The following NELL1 variants were observed in gnomAD, a reference collection of about 807,000 sequenced individuals.
NELL1 encodes protein kinase C-binding protein NELL1.
A neutral mutation model predicts 107.4 loss-of-function variants in NELL1; 76 were observed. That is an observed-to-expected ratio of 0.71 (90% CI 0.59 to 0.86). The LOEUF (loss-of-function observed/expected upper bound fraction) is 0.86, where lower values mean the gene tolerates loss of function less well. Ranked by LOEUF, NELL1 falls within the 40% of genes least tolerant of loss-of-function variation. NELL1 has a pLI of 0.00. For missense variants in NELL1, 1,024 were observed against 1,005.5 expected, an observed-to-expected ratio of 1.02 and a Z score of -0.25; for synonymous variants, 353 against 341.2, an observed-to-expected ratio of 1.03 and a Z score of -0.38.
At position 20,763,749 on chromosome 11, in the gene NELL1, C is replaced by T. The variant is rs546617691; in HGVS notation, c.185-19931C>T. Among the ~76,000 whole-genome samples, 4 of 152,382 alleles carry T rather than the reference C, an allele frequency of 2.6e-5. No homozygotes were observed. In the South Asian group the frequency reaches 8.3e-4, roughly 32 times the overall value. On this transcript the variant is annotated intron_variant, in intron 2 of 19. Transcript: ENST00000357134. ...TACAGTGACACCTGTAACTCAGGCCCTGGCAGGCCAGCTGAGAAGCACCAG... is the reference window on the plus strand; with the variant it reads ...TACAGTGACACCTGTAACTCAGGCCTTGGCAGGCCAGCTGAGAAGCACCAG...
At chr11:20,777,820 CA>C (rs1311519542) in intron 2 of NELL1, among the ~76,000 whole-genome samples, 1 of 131,920 alleles carries the variant, frequency 7.6e-6, no homozygotes, top group Non-Finnish European at 1.6e-5. Context: ...TGCCTTGGTG[CA>C]TTTTTTGTTT....
intron 11 of NELL1, among the ~76,000 whole-genome samples, chr11:20,958,491 G>A (rs11025836): frequency 0.19 from 28,436 of 152,072 alleles, 2,816 homozygotes; most frequent in East Asian, 0.34. Flanking sequence ...GTTGCCACAT[G>A]TAAAGGAATG....
At chr11:20,789,252 T>C (rs1391781786) in intron 3 of NELL1, among the ~76,000 whole-genome samples, 5 of 152,172 alleles carry the variant, frequency 3.3e-5, no homozygotes, top group Non-Finnish European at 2.9e-5. Context: ...GAGTCAGGCA[T>C]GGAGCAGCAA....
rs12789220 is a variant in NELL1 at position 21,566,197 on chromosome 11, C to T, written c.1981-4567C>T. On this transcript the variant is annotated intron_variant, in intron 17 of 19. Transcript: ENST00000357134. The stretch of plus-strand genomic sequence containing the variant: ...AGGTTGAATTTGTACCGTGGGCATC[C>T]GTTTTCCAACCCAAAGTTTATATTA... 1.6e-4 allele frequency among the ~76,000 whole-genome samples: 25 copies of T among 151,614 alleles called. 1 individual carries two copies. Among genetic ancestry groups the T allele is most frequent in the Admixed American group, 1.6e-3 (24 of 15,200 alleles).
chr11:21,000,461 G>A (rs12791900), intron 12 of NELL1, among the ~76,000 whole-genome samples: 6,226 of 152,212 alleles, frequency 0.041, 185 homozygotes, highest in Middle Eastern at 0.12. Flanking sequence ...ATCCTCTGAC[G>A]AAATCAGATT....
At chr11:20,848,814 T>C (rs1848746622) in intron 4 of NELL1, among the ~76,000 whole-genome samples, 1 of 152,206 alleles carries the variant, frequency 6.6e-6, no homozygotes, top group African/African-American at 2.4e-5. Flanking sequence ...TTAGAAGAGT[T>C]GGAAGGGCAG....
At chr11:21,232,152 A>AAAAAAT (rs1473443621) in intron 14 of NELL1, among the ~76,000 whole-genome samples, 1,676 of 61,004 alleles carry the variant, frequency 0.027, 31 homozygotes, top group Non-Finnish European at 0.038. Flanking sequence ...AAAAATAAAA[A>AAAAAAT]AAAAAAAATA....
intron 2 of NELL1, among the ~76,000 whole-genome samples, chr11:20,692,070 A>G (rs11511871): frequency 0.088 from 13,269 of 150,936 alleles, 749 homozygotes; most frequent in Non-Finnish European, 0.12. Context: ...GTTTATTTGC[A>G]TAGAGGTGTT....
chr11:20,896,727 A>C (rs1050638143), intron 5 of NELL1, among the ~76,000 whole-genome samples: 2 of 152,152 alleles, frequency 1.3e-5, no homozygotes, highest in Non-Finnish European at 2.9e-5. Flanking sequence ...CAGGATACAA[A>C]ATCAGTGTGC....
intron 2 of NELL1, among the ~76,000 whole-genome samples, chr11:20,763,865 T>C (rs1385048075): frequency 1.3e-5 from 2 of 152,156 alleles, no homozygotes; most frequent in Non-Finnish European, 2.9e-5. Flanking sequence ...GTGTGTGTAG[T>C]ATTAGCATAA....
intron 15 of NELL1, among the ~76,000 whole-genome samples, chr11:21,427,837 T>C (rs574905269): frequency 8.5e-5 from 13 of 152,330 alleles, no homozygotes; most frequent in African/African-American, 2.4e-4. Context: ...CCTAACCTAA[T>C]AGACTTTCAG....
At chr11:21,507,179 C>A (rs1226853870) in intron 15 of NELL1, among the ~76,000 whole-genome samples, 4 of 152,244 alleles carry the variant, frequency 2.6e-5, no homozygotes, top group Non-Finnish European at 5.9e-5. Flanking sequence ...ATGCCTGAGA[C>A]ATCCTGAACA....
chr11:20,723,456 G>A (rs1422826568), intron 2 of NELL1, among the ~76,000 whole-genome samples: 1 of 152,150 alleles, frequency 6.6e-6, no homozygotes. Flanking sequence ...AGGGCCCTCA[G>A]TAAATCTTAA....
intron 3 of NELL1, among the ~76,000 whole-genome samples, chr11:20,841,878 G>T (rs1848628945): frequency 6.6e-6 from 1 of 152,116 alleles, no homozygotes; most frequent in African/African-American, 2.4e-5. Context: ...AAAATTACAT[G>T]GTTTGTCTGG....
At chr11:21,239,071 A>C (rs1858282050) in intron 14 of NELL1, among the ~76,000 whole-genome samples, 1 of 152,104 alleles carries the variant, frequency 6.6e-6, no homozygotes, top group African/African-American at 2.4e-5. Flanking sequence ...GGAACACAGT[A>C]GTTGCTCAGT....
chr11:21,508,954 A>G (rs909100725), intron 15 of NELL1, among the ~76,000 whole-genome samples: 3 of 152,156 alleles, frequency 2.0e-5, no homozygotes, highest in Non-Finnish European at 2.9e-5. Flanking sequence ...TATGTCCCTC[A>G]AAGAAAACTG....
chr11:20,954,049 T>C (rs1003468695), intron 11 of NELL1, among the ~76,000 whole-genome samples: 2 of 152,234 alleles, frequency 1.3e-5, no homozygotes, highest in Non-Finnish European at 2.9e-5. Context: ...TCAGTCGGAC[T>C]ATGGCTCTGT....
chr11:21,307,225 C>A (rs4354686), intron 14 of NELL1, among the ~76,000 whole-genome samples: 149,487 of 152,020 alleles, frequency 0.98, 73,546 homozygotes, highest in East Asian at 1. Context: ...TAAAATTTAA[C>A]AGATGGTAGT....
chr11:21,421,421 G>A (rs1328794915), intron 15 of NELL1, among the ~76,000 whole-genome samples: 1 of 152,098 alleles, frequency 6.6e-6, no homozygotes, highest in Admixed American at 6.6e-5. Context: ...ACATGCATGT[G>A]TTCCTGGAGC....
Sources: allele counts gnomAD v4.1 joint callset (sites outside exome capture counted in the v4.1 genomes callset), GRCh38; gene constraint gnomAD v4.1.1; transcripts MANE v1.5; gene names NCBI Gene and HGNC (gene_info 2026-07-23, HGNC 2026-07-21).